The following TBC1D5 variants were observed in gnomAD, a reference collection of about 807,000 sequenced individuals.
TBC1D5 encodes TBC1 domain family, member 5.
TBC1D5 carries 75 observed loss-of-function variants against 100.3 expected under a neutral mutation model. The observed-to-expected ratio is 0.75, with a 90% CI of 0.62 to 0.91. The LOEUF (loss-of-function observed/expected upper bound fraction) is 0.91, where lower values mean the gene tolerates loss of function less well. Ranked by LOEUF, TBC1D5 falls within the 40% of genes least tolerant of loss-of-function variation. The probability of loss-of-function intolerance (pLI) is 0.00; values close to 1 mark genes in which losing one functional copy is unlikely to be tolerated. For synonymous variants in TBC1D5, 323 were observed against 325.6 expected (o/e 0.99, Z 0.09); for missense variants, 910 against 942.4 (o/e 0.97, Z 0.45).
intron 2 of TBC1D5, among the ~76,000 whole-genome samples, chr3:17,518,146 G>A (rs904317539): frequency 6.6e-6 from 1 of 152,108 alleles, no homozygotes; most frequent in Non-Finnish European, 1.5e-5. Flanking sequence ...ATAGGGACCG[G>A]GGGCAGAGAA....
At chr3:17,679,004 T>C (rs532003671) in intron 1 of TBC1D5, among the ~76,000 whole-genome samples, 1 of 150,856 alleles carries the variant, frequency 6.6e-6, no homozygotes, top group Non-Finnish European at 1.5e-5. Context: ...TCCAAACCAT[T>C]AATCAAGTCT....
At chr3:17,223,524 C>T (rs946478830) in intron 17 of TBC1D5, among the ~76,000 whole-genome samples, 4 of 152,012 alleles carry the variant, frequency 2.6e-5, no homozygotes, top group African/African-American at 9.7e-5. Context: ...TTATAAATAC[C>T]ACTAGAAGCA....
In TBC1D5 at chr3:17,627,551, G is replaced by A. The variant is rs1454380106; in HGVS notation, c.-100-3638C>T. 2.0e-5 allele frequency among the ~76,000 whole-genome samples: 3 copies of A among 151,994 alleles called. No individual in the cohort carries two copies. In the East Asian group the frequency reaches 5.8e-4, roughly 29 times the overall value. Reference sequence around the variant, plus strand: ...GTACAGAAGGAATAACTCAAAAAAGGAGAACACAGGCCCATAAAGAGAGTG... The same window carrying A: ...GTACAGAAGGAATAACTCAAAAAAGAAGAACACAGGCCCATAAAGAGAGTG... On this transcript the variant is annotated intron_variant, in intron 1 of 21. Transcript: ENST00000253692.
chr3:17,627,719 G>A (rs1486142321), intron 1 of TBC1D5, among the ~76,000 whole-genome samples: 6 of 150,838 alleles, frequency 4.0e-5, no homozygotes, highest in Non-Finnish European at 5.9e-5. Flanking sequence ...AATGAGAGAC[G>A]AAAACTAAAT....
At chr3:17,616,593 T>G (rs2062177580) in intron 2 of TBC1D5, among the ~76,000 whole-genome samples, 1 of 152,186 alleles carries the variant, frequency 6.6e-6, no homozygotes, top group South Asian at 2.1e-4. Flanking sequence ...GCATATATAT[T>G]TAGGATAGTT....
At chr3:17,491,279 CTTCTT>C (rs1446958580) in intron 3 of TBC1D5, among the ~76,000 whole-genome samples, 1 of 152,150 alleles carries the variant, frequency 6.6e-6, no homozygotes, top group Non-Finnish European at 1.5e-5. Context: ...GACTTCCTCT[CTTCTT>C]ATTTGAATAC....
intron 2 of TBC1D5, among the ~76,000 whole-genome samples, chr3:17,533,778 T>C (rs1235559006): frequency 2.6e-5 from 4 of 152,176 alleles, no homozygotes; most frequent in Non-Finnish European, 5.9e-5. Flanking sequence ...TTATTCTACT[T>C]TTGCTTCTGA....
chr3:17,602,111 G>A (rs2060994849), intron 2 of TBC1D5, among the ~76,000 whole-genome samples: 3 of 152,182 alleles, frequency 2.0e-5, no homozygotes, highest in South Asian at 4.1e-4. Flanking sequence ...TATTACAGGC[G>A]TAAGCCATTG....
intron 1 of TBC1D5, among the ~76,000 whole-genome samples, chr3:17,670,847 T>G (rs1352680811): frequency 2.0e-5 from 3 of 152,204 alleles, no homozygotes; most frequent in African/African-American, 7.2e-5. Context: ...GTAATTTCCT[T>G]TCCAACCTAA....
intron 8 of TBC1D5, among the ~76,000 whole-genome samples, chr3:17,393,789 G>A (rs1310547165): frequency 6.6e-6 from 1 of 152,046 alleles, no homozygotes; most frequent in East Asian, 1.9e-4. Context: ...AACTGAGCCT[G>A]GACCCCTTCC....
intron 19 of TBC1D5, among the ~76,000 whole-genome samples, chr3:17,183,583 C>T (rs953610433): frequency 3.9e-5 from 6 of 152,114 alleles, no homozygotes; most frequent in Non-Finnish European, 7.4e-5. Context: ...AGGGTTTCTC[C>T]TGCTGTTTTT....
chr3:17,309,845 C>T (rs889084448), intron 13 of TBC1D5, among the ~76,000 whole-genome samples: 1 of 152,008 alleles, frequency 6.6e-6, no homozygotes, highest in East Asian at 1.9e-4. Context: ...GGCCCTTGTT[C>T]AAAGGATTTT....
intron 2 of TBC1D5, among the ~76,000 whole-genome samples, chr3:17,623,468 C>T (rs938037162): frequency 6.6e-6 from 1 of 152,050 alleles, no homozygotes; most frequent in African/African-American, 2.4e-5. Flanking sequence ...CACTTAAATC[C>T]CTATTATCTG....
chr3:17,318,923 T>C (rs960198738), intron 13 of TBC1D5, among the ~76,000 whole-genome samples: 1 of 152,194 alleles, frequency 6.6e-6, no homozygotes, highest in Non-Finnish European at 1.5e-5. Context: ...AATACAATGG[T>C]AATTACAGCT....
chr3:17,454,013 C>T (rs570668999), intron 3 of TBC1D5, among the ~76,000 whole-genome samples: 1 of 152,172 alleles, frequency 6.6e-6, no homozygotes, highest in East Asian at 1.9e-4. Context: ...GGATAAAAAC[C>T]ACATGATCAT....
chr3:17,166,336 A>G (rs2066591142), intron 21 of TBC1D5, among the ~76,000 whole-genome samples: 1 of 152,224 alleles, frequency 6.6e-6, no homozygotes. Context: ...GCAAGAAAGT[A>G]ATTTTGGCAA....
intron 13 of TBC1D5, among the ~76,000 whole-genome samples, chr3:17,337,123 G>GTTTTTTTTTTTTTTTTTTTTTTTTTTT (rs11328091): frequency 3.4e-5 from 4 of 116,132 alleles, no homozygotes; most frequent in African/African-American, 1.4e-4. Context: ...TATCTGAGAG[G>GTTTTTTTTTTTTTTTTTTTTTTTTTTT]TTTTTTTTTT....
chr3:17,198,386 G>T (rs1254954470), intron 18 of TBC1D5, among the ~76,000 whole-genome samples: 1 of 152,244 alleles, frequency 6.6e-6, no homozygotes, highest in Non-Finnish European at 1.5e-5. Context: ...TGTTGAAAAC[G>T]CCTTTAAGAT....
At chr3:17,548,629 C>T (rs2096442429) in intron 2 of TBC1D5, among the ~76,000 whole-genome samples, 1 of 152,050 alleles carries the variant, frequency 6.6e-6, no homozygotes, top group Non-Finnish European at 1.5e-5. Flanking sequence ...AGAAAATGTA[C>T]TAAACATAAA....
Sources: allele counts gnomAD v4.1 joint callset (sites outside exome capture counted in the v4.1 genomes callset), GRCh38; gene constraint gnomAD v4.1.1; transcripts MANE v1.5; gene names NCBI Gene and HGNC (gene_info 2026-07-23, HGNC 2026-07-21).